The following YJU2B variants were observed in gnomAD, a reference collection of about 807,000 sequenced individuals.
YJU2B encodes the protein YJU2 splicing factor homolog B.
A neutral mutation model predicts 38.0 loss-of-function variants in YJU2B; 18 were observed. That is an observed-to-expected ratio of 0.47 (90% CI 0.33 to 0.70). YJU2B has a LOEUF of 0.70. Among genes scored for constraint, YJU2B ranks in the 30% least tolerant of loss-of-function variants. The pLI is 0.02. For missense variants in YJU2B, 538 were observed against 556.3 expected (o/e 0.97, Z 0.33); for synonymous variants, 246 against 225.4 (o/e 1.09, Z -0.82).
upstream of YJU2B, among the ~76,000 whole-genome samples, chr19:13,746,810 G>C (rs906280989): frequency 6.6e-6 from 1 of 151,986 alleles, no homozygotes; most frequent in Non-Finnish European, 1.5e-5. Context: ...GGGAGGCTGA[G>C]GCAAGAGAAT....
At chr19:13,750,047 C>T (rs1409063807) in intron 1 of YJU2B, among the ~76,000 whole-genome samples, 2 of 152,146 alleles carry the variant, frequency 1.3e-5, no homozygotes, top group Admixed American at 6.6e-5. Flanking sequence ...TATGGAGCCT[C>T]ATTCAGTTAT....
At chr19:13,759,549 A>C (rs1973805753) in intron 8 of YJU2B, 1 of 329,358 alleles carries the variant, frequency 3.0e-6, no homozygotes, top group Admixed American at 4.9e-5. Flanking sequence ...CAGGAGTTCA[A>C]GATCAGCCTG....
intron 3 of YJU2B, among the ~76,000 whole-genome samples, 160 bp from the exon 4 acceptor site, chr19:13,756,037 C>T (rs1973653949): frequency 6.6e-6 from 1 of 152,236 alleles, no homozygotes; most frequent in Non-Finnish European, 1.5e-5. Flanking sequence ...CCAGTAAGAC[C>T]TGGATGCCCC....
Position 13,762,573 on chromosome 19 carries a change from C to T in YJU2B, c.713-17C>T. The T allele has an allele frequency of 6.5e-7, 1 of 1,528,848 alleles. No homozygotes were observed. The highest frequency in any genetic ancestry group is 8.7e-7 in the Non-Finnish European group (1 of 1,145,110). The allele number at this position is 1,528,848 out of a possible 1,614,324, so 94.7% of individuals were successfully genotyped here. ...CCCTCCCCTGCCGCCCCTGAAATGT[C>T]CTCTCCTCTCCTCTAGCCTACGAGG... On this transcript the variant is annotated splice_polypyrimidine_tract_variant and intron_variant, in intron 9 of 9. Transcript: ENST00000221554.
intron 2 of YJU2B, among the ~76,000 whole-genome samples, chr19:13,752,587 T>A (rs1196715215): frequency 6.6e-6 from 1 of 151,956 alleles, no homozygotes; most frequent in African/African-American, 2.4e-5. Flanking sequence ...CTACTAAAAA[T>A]ACAAAAATTA....
intron 8 of YJU2B, chr19:13,759,485 T>G (rs78777265): frequency 0.018 from 9,165 of 513,212 alleles, 695 homozygotes; most frequent in African/African-American, 0.17. Flanking sequence ...GAAATTTGGC[T>G]GGGCACAGTG....
chr19:13,758,759 G>A, intron 6 of YJU2B, 109 bp from the exon 7 acceptor site: 1 of 1,349,822 alleles, frequency 7.4e-7, no homozygotes, highest in African/African-American at 1.5e-5. Flanking sequence ...GGTGCTCAGT[G>A]AATTTTTGTC....
chr19:13,737,459 C>G (rs1042423877), intron 2 of YJU2B, among the ~76,000 whole-genome samples: 1 of 151,270 alleles, frequency 6.6e-6, no homozygotes, highest in Non-Finnish European at 1.5e-5. Flanking sequence ...TCTTCTGGCC[C>G]TTTGTCCTAA....
chr19:13,744,735 T>C (rs1355627607), upstream of YJU2B, among the ~76,000 whole-genome samples: 1 of 152,170 alleles, frequency 6.6e-6, no homozygotes, highest in Non-Finnish European at 1.5e-5. Context: ...GGCTCACGCC[T>C]GTAATCCCAG....
intron 2 of YJU2B, among the ~76,000 whole-genome samples, chr19:13,752,888 G>T (rs1001080879): frequency 2.6e-5 from 4 of 151,686 alleles, no homozygotes; most frequent in African/African-American, 4.9e-5. Context: ...ACCCAAGCCT[G>T]CGTGACAGAG....
intron 3 of YJU2B, 122 bp from the exon 4 acceptor site, chr19:13,756,075 G>C: frequency 1.3e-6 from 1 of 755,346 alleles, no homozygotes. Flanking sequence ...CGTCCTGCAG[G>C]ACATAAGAAT....
chr19:13,738,352 T>C (rs567722032), intron 2 of YJU2B, among the ~76,000 whole-genome samples: 1 of 152,210 alleles, frequency 6.6e-6, no homozygotes, highest in Non-Finnish European at 1.5e-5. Context: ...GTCACTGTTA[T>C]GGATTGATTT....
upstream of YJU2B, among the ~76,000 whole-genome samples, chr19:13,746,463 G>A (rs150123197): frequency 9.3e-4 from 142 of 152,302 alleles, no homozygotes; most frequent in African/African-American, 3.2e-3. Context: ...GGGCCCGGCT[G>A]TTTGTAGGTA....
intron 2 of YJU2B, among the ~76,000 whole-genome samples, chr19:13,733,984 G>C (rs1972883152): frequency 6.6e-6 from 1 of 152,118 alleles, no homozygotes; most frequent in African/African-American, 2.4e-5. Context: ...CTGGAGTACA[G>C]TGGTGCAATC....
chr19:13,735,153 T>A (rs1972911244), intron 2 of YJU2B, among the ~76,000 whole-genome samples: 1 of 151,984 alleles, frequency 6.6e-6, no homozygotes, highest in Non-Finnish European at 1.5e-5. Flanking sequence ...CCATCTCTAC[T>A]AAAAATACAA....
chr19:13,754,201 A>C, intron 2 of YJU2B, 88 bp from the exon 3 acceptor site: 1 of 1,073,726 alleles, frequency 9.3e-7, no homozygotes, highest in Non-Finnish European at 1.4e-6. Flanking sequence ...AAAAAATCAG[A>C]AAAAATTTTT....
rs367689808 is a variant in YJU2B at position 13,759,233 on chromosome 19, C to T, written c.534C>T (p.Asp178=). The T allele has an allele frequency of 2.6e-5, 42 of 1,612,888 alleles. No individual in the cohort carries two copies. Among genetic ancestry groups the T allele is most frequent in the Non-Finnish European group, 3.2e-5 (38 of 1,179,586 alleles). Residue 178 remains aspartate, a synonymous_variant, in exon 8 of 10, where the codon GAC becomes GAT. Transcript: ENST00000221554. ...AGGAGGCCCAGAGCGCCTGGAAGGACGACTTCGCCCTCAACAGCATGCTGC... is the reference window on the plus strand; with the variant it reads ...AGGAGGCCCAGAGCGCCTGGAAGGATGACTTCGCCCTCAACAGCATGCTGC... The part of the protein sequence containing the change: ...HIQEAQSAWK[D]DFALNSMLRR...
In YJU2B at chr19:13,762,005, T is replaced by C. The variant is rs181275464; in HGVS notation, c.574-294T>C. Among the ~76,000 whole-genome samples, 261 of 152,194 alleles carry C rather than the reference T, an allele frequency of 1.7e-3. 2 individuals carry two copies. The highest frequency in any genetic ancestry group is 3.4e-3 in the Middle Eastern group (1 of 294). On this transcript the variant is annotated intron_variant, in intron 8 of 9. Coordinates refer to ENST00000221554, the MANE Select transcript of YJU2B (RefSeq NM_030818.4). ...TCCCAAAGTGCTGGGATTACAGACATGAACTACCAGGCCCAGTCTCTACAA... is the reference window on the plus strand; with the variant it reads ...TCCCAAAGTGCTGGGATTACAGACACGAACTACCAGGCCCAGTCTCTACAA...
chr19:13,762,558 C>G, intron 9 of YJU2B, 32 bp from the exon 10 acceptor site: 2 of 1,531,890 alleles, frequency 1.3e-6, no homozygotes, highest in Non-Finnish European at 1.7e-6. Context: ...CCCTCCCCTG[C>G]CGCCCCTGAA....
Sources: gnomAD v4.1 joint callset for allele counts (sites outside exome capture counted in the v4.1 genomes callset) on GRCh38, gnomAD v4.1.1 for gene constraint, MANE v1.5 for transcripts, NCBI Gene and HGNC (gene_info 2026-07-23, HGNC 2026-07-21) for gene names.